ERAP1: variants seen among roughly 807,000 people sequenced by gnomAD.
The protein encoded by ERAP1 is endoplasmic reticulum aminopeptidase 1.
ERAP1 carries 86 observed loss-of-function variants against 103.7 expected under a neutral mutation model. That is an observed-to-expected ratio of 0.83 (90% CI 0.70 to 0.99). The LOEUF is 0.99. Among genes scored for constraint, ERAP1 ranks in the 50% least tolerant of loss-of-function variants. The pLI, the probability that ERAP1 is intolerant of heterozygous loss-of-function variation, is 0.00. For synonymous variants in ERAP1, 398 were observed against 402.4 expected (o/e 0.99, Z 0.13); for missense variants, 1,009 against 1,128.4 (o/e 0.89, Z 1.52).
At chr5:96,761,953 T>C (rs1362433213) in exon 20 of ERAP1, 1 of 183,482 alleles carries the variant, frequency 5.5e-6, no homozygotes, top group African/African-American at 2.4e-5. Context: ...TTCAGAGCAA[T>C]TTTAAAAGAG....
At chr5:96,782,063 T>G (rs1167863629) in intron 15 of ERAP1, among the ~76,000 whole-genome samples, 1 of 150,074 alleles carries the variant, frequency 6.7e-6, no homozygotes, top group Admixed American at 6.7e-5. Context: ...CAGGCTGGAG[T>G]GCCGTGGCTC....
chr5:96,822,318 A>G, the ERAP1 span, among the ~76,000 whole-genome samples: 4 of 152,238 alleles, frequency 2.6e-5, no homozygotes, highest in African/African-American at 9.6e-5. Flanking sequence ...GGCTAGCAGG[A>G]AGCCCAGAAA....
At chr5:96,903,103 C>T in the ERAP1 span, among the ~76,000 whole-genome samples, 1 of 152,100 alleles carries the variant, frequency 6.6e-6, no homozygotes, top group East Asian at 1.9e-4. Flanking sequence ...GCTCACTGGG[C>T]CCTTCCTTGC....
At chr5:96,860,325 A>T in the ERAP1 span, among the ~76,000 whole-genome samples, 2 of 152,166 alleles carry the variant, frequency 1.3e-5, no homozygotes, top group African/African-American at 4.8e-5. Flanking sequence ...AAGTGCTGGG[A>T]TTACAAGTGT....
At chr5:96,883,247 T>C in the ERAP1 span, among the ~76,000 whole-genome samples, 4 of 152,180 alleles carry the variant, frequency 2.6e-5, no homozygotes, top group Non-Finnish European at 5.9e-5. Context: ...CCTGCACCCT[T>C]GACTGGCTTC....
At position 96,785,897 on chromosome 5, in the gene ERAP1, A is replaced by C. The variant is rs1379199758; in HGVS notation, c.1834T>G (p.Tyr612Asp). ...VGMNGYYIVH[Y>D]EDDGWDSLTG... ...AAAGAGTCCCATCCATCATCCTCGT[A>C]ATGCACAATGTAATAGCCATTCATG... is the stretch of plus-strand genomic sequence containing the variant. The change falls in exon 13 of 19, where the codon TAC becomes GAC. Residue 612 changes from tyrosine (Y) to aspartate (D), a missense_variant. Transcript: ENST00000443439. The C allele has an allele frequency of 6.2e-7, 1 of 1,614,160 alleles. No homozygotes were observed.
rs748333816 is a variant in ERAP1, at chr5:96,776,506, G to A, written c.2716C>T (p.Arg906Cys). 7 of 1,613,972 alleles carry A rather than the reference G, an allele frequency of 4.3e-6. No homozygotes were observed. The African/African-American group carries it at 5.3e-5, about 12-fold the overall frequency. Residue 906 changes from arginine to cysteine, a missense_variant, in exon 19 of 19, where the codon CGT (arginine) becomes TGT (cysteine). Around this residue, in one of 3 missense-constraint regions of ERAP1, gnomAD observed 611 missense variants for 651.7 expected, o/e 0.94. Transcript: ENST00000443439. ...SSLKENGSQL[R>C]CVQQTIETIE... is the part of the protein sequence containing the mutation. Reference sequence around the variant, plus strand: ...GTTTCAATTGTCTGTTGGACACAACGGAGCTGAGAACCATTTTCTTTCAAA... The same window carrying A: ...GTTTCAATTGTCTGTTGGACACAACAGAGCTGAGAACCATTTTCTTTCAAA...
At position 96,776,234 on chromosome 5, in the gene ERAP1, T is replaced by C; in HGVS notation, c.*162A>G. ...ACACATGGTAGCGATAGCCCATTCATGAAAAACTAACAGCTATTCTTTTCA... is the reference window on the plus strand; with the variant it reads ...ACACATGGTAGCGATAGCCCATTCACGAAAAACTAACAGCTATTCTTTTCA... On this transcript the variant is annotated 3_prime_UTR_variant, in exon 19 of 19. Transcript: ENST00000443439. 1 of 1,499,394 alleles carries C rather than the reference T, an allele frequency of 6.7e-7. No homozygotes were observed. Among genetic ancestry groups the C allele is most frequent in the Non-Finnish European group, 8.9e-7 (1 of 1,127,548 alleles). 92.9% of individuals were successfully genotyped at this position (1,499,394 alleles called of 1,614,324 possible). A position where few individuals can be genotyped will look rare whatever the true frequency, so the allele number is the denominator to read the frequency against.
Position 96,774,934 on chromosome 5 carries a change from T to G in ERAP1, c.*1462A>C. On this transcript the variant is annotated 3_prime_UTR_variant, in exon 19 of 19. Coordinates refer to ENST00000443439, the MANE Select transcript of ERAP1 (RefSeq NM_001040458.3). The stretch of plus-strand genomic sequence containing the variant: ...TTTTTCGTACCAATCATCAATCATA[T>G]TCCCTTATCTTGAAGTTTTTGCCTT... The G allele has an allele frequency of 1.0e-6, 1 of 985,070 alleles. No homozygotes were observed. Among genetic ancestry groups the G allele is most frequent in the Non-Finnish European group, 1.2e-6 (1 of 829,694 alleles). The allele number at this position is 985,070 out of a possible 1,614,324, so 61.0% of individuals were successfully genotyped here.
At chr5:96,797,406 A>T in intron 3 of ERAP1, 97 bp from the exon 4 acceptor site, 1 of 1,403,628 alleles carries the variant, frequency 7.1e-7, no homozygotes, top group Non-Finnish European at 1.0e-6. Context: ...TTAAAAGTGT[A>T]TCAATCCCAG....
chr5:96,818,270 T>C, the ERAP1 span, among the ~76,000 whole-genome samples: 12 of 152,106 alleles, frequency 7.9e-5, no homozygotes, highest in Admixed American at 7.9e-4. Flanking sequence ...CACACCTCCC[T>C]TTCCTCCTGT....
At chr5:96,904,843 T>C in the ERAP1 span, among the ~76,000 whole-genome samples, 17 of 152,328 alleles carry the variant, frequency 1.1e-4, no homozygotes, top group Admixed American at 8.5e-4. Context: ...TATTGATGCA[T>C]TGGTGGAAAA....
the ERAP1 span, among the ~76,000 whole-genome samples, chr5:96,831,998 T>C: frequency 2.0e-5 from 3 of 152,224 alleles, no homozygotes; most frequent in Non-Finnish European, 4.4e-5. Context: ...TTTTATTGTT[T>C]CTGAATAATG....
the ERAP1 span, among the ~76,000 whole-genome samples, chr5:96,899,718 C>T: frequency 1.3e-5 from 2 of 152,116 alleles, no homozygotes; most frequent in African/African-American, 4.8e-5. Flanking sequence ...TGTAATATGT[C>T]AGGGGAGAGT....
intron 15 of ERAP1, among the ~76,000 whole-genome samples, chr5:96,782,057 C>T (rs1477155671): frequency 2.0e-5 from 3 of 148,222 alleles, no homozygotes; most frequent in Admixed American, 6.8e-5. Context: ...GTCACCCAGG[C>T]TGGAGTGCCG....
the ERAP1 span, chr5:96,919,717 TTAG>T: frequency 6.6e-6 from 1 of 152,316 alleles, no homozygotes; most frequent in African/African-American, 2.4e-5. Flanking sequence ...ATTGTACTTA[TTAG>T]TGTAGTATTT....
chr5:96,880,245 T>G, the ERAP1 span: 3 of 1,609,674 alleles, frequency 1.9e-6, no homozygotes, highest in Non-Finnish European at 2.5e-6. Flanking sequence ...TACAGAACTC[T>G]TGGTGGTGAA....
chr5:96,816,891 T>G, the ERAP1 span, among the ~76,000 whole-genome samples: 2 of 152,258 alleles, frequency 1.3e-5, no homozygotes, highest in East Asian at 1.9e-4. Flanking sequence ...TTTGTAGTTG[T>G]GAGATAAGAC....
At chr5:96,828,317 C>T in the ERAP1 span, among the ~76,000 whole-genome samples, 124 of 152,014 alleles carry the variant, frequency 8.2e-4, 1 homozygote, top group East Asian at 2.1e-3. Flanking sequence ...CAACTACCAA[C>T]GTAAATGAAT....
Sources: gnomAD v4.1 joint callset for allele counts (sites outside exome capture counted in the v4.1 genomes callset) on GRCh38, gnomAD v4.1.1 for gene constraint, gnomAD v4.1.1 regional missense constraint, MANE v1.5 for transcripts, NCBI Gene and HGNC (gene_info 2026-07-23, HGNC 2026-07-21) for gene names.